CCDC7: variants seen among roughly 807,000 people sequenced by gnomAD.
CCDC7 encodes coiled-coil domain containing 7.
CCDC7 carries 183 observed loss-of-function variants against 196.9 expected under a neutral mutation model. That is an observed-to-expected ratio of 0.93 (90% CI 0.82 to 1.05). The LOEUF (loss-of-function observed/expected upper bound fraction) is 1.05, where lower values mean the gene tolerates loss of function less well. Among genes scored for constraint, CCDC7 ranks in the 50% least tolerant of loss-of-function variants. The probability of loss-of-function intolerance (pLI) is 0.00; values close to 1 mark genes in which losing one functional copy is unlikely to be tolerated. For synonymous variants in CCDC7, 525 were observed against 484.6 expected (o/e 1.08, Z -1.10); for missense variants, 1,540 against 1,482.2 (o/e 1.04, Z -0.64).
At chr10:32,864,875 C>T (rs1258272582) in intron 41 of CCDC7, among the ~76,000 whole-genome samples, 3 of 151,888 alleles carry the variant, frequency 2.0e-5, no homozygotes, top group Admixed American at 6.6e-5. Context: ...CTTGCAGTAA[C>T]GGCAGAGTAG....
At chr10:32,668,846 A>G (rs1320165646) in intron 21 of CCDC7, among the ~76,000 whole-genome samples, 1 of 152,050 alleles carries the variant, frequency 6.6e-6, no homozygotes, top group Non-Finnish European at 1.5e-5. Flanking sequence ...TATCTGACCA[A>G]GATAATTTTA....
chr10:32,844,979 A>G (rs2093195627), intron 33 of CCDC7, among the ~76,000 whole-genome samples: 1 of 151,810 alleles, frequency 6.6e-6, no homozygotes. Flanking sequence ...TGCTATTGGA[A>G]GAGGTATAAT....
intron 29 of CCDC7, among the ~76,000 whole-genome samples, chr10:32,784,612 G>A (rs1446585217): frequency 6.6e-6 from 1 of 151,930 alleles, no homozygotes; most frequent in Non-Finnish European, 1.5e-5. Context: ...TCGCTCTGTC[G>A]CCAGGCTGGA....
At chr10:32,764,522 G>T (rs541508246) in intron 28 of CCDC7, among the ~76,000 whole-genome samples, 1 of 151,988 alleles carries the variant, frequency 6.6e-6, no homozygotes, top group African/African-American at 2.4e-5. Context: ...CGGTCAGTTT[G>T]GTTGGCTGAA....
chr10:32,454,322 A>T (rs2033814329), intron 2 of CCDC7, among the ~76,000 whole-genome samples: 1 of 152,178 alleles, frequency 6.6e-6, no homozygotes, highest in Non-Finnish European at 1.5e-5. Flanking sequence ...ATCCTGCATG[A>T]CCTTGTGGTT....
At chr10:32,861,786 G>C (rs1358390058) in intron 41 of CCDC7, among the ~76,000 whole-genome samples, 1 of 150,552 alleles carries the variant, frequency 6.6e-6, no homozygotes, top group Non-Finnish European at 1.5e-5. Flanking sequence ...AAAATAAGAT[G>C]TTTATGCAGC....
At chr10:32,767,035 C>A (rs1048469544) in intron 28 of CCDC7, among the ~76,000 whole-genome samples, 51 of 152,018 alleles carry the variant, frequency 3.4e-4, no homozygotes, top group African/African-American at 1.2e-3. Context: ...CCAATTCTGC[C>A]AGGCTCTTTT....
intron 29 of CCDC7, 39 bp downstream of exon 30, chr10:32,779,123 T>C: frequency 1.4e-6 from 2 of 1,380,332 alleles, no homozygotes; most frequent in South Asian, 2.6e-5. Context: ...TAGAACACAA[T>C]CTAAGAATTA....
At chr10:32,792,756 C>T (rs1592799717) in intron 29 of CCDC7, among the ~76,000 whole-genome samples, 3 of 152,292 alleles carry the variant, frequency 2.0e-5, no homozygotes. Context: ...GCCGAGATCA[C>T]GCCATTGCAC....
chr10:32,500,992 G>A (rs1009979347), intron 9 of CCDC7, among the ~76,000 whole-genome samples: 8 of 152,200 alleles, frequency 5.3e-5, no homozygotes, highest in East Asian at 1.9e-4. Flanking sequence ...TCGAGATGGC[G>A]GCAGTACAGT....
chr10:32,523,732 T>A (rs576851748), intron 11 of CCDC7, among the ~76,000 whole-genome samples: 2 of 114,674 alleles, frequency 1.7e-5, no homozygotes, highest in East Asian at 2.8e-4. Context: ...TATAATGACC[T>A]TTTTTGTCTC....
chr10:32,750,094 A>C (rs997298686), intron 28 of CCDC7, among the ~76,000 whole-genome samples: 1 of 152,232 alleles, frequency 6.6e-6, no homozygotes, highest in Non-Finnish European at 1.5e-5. Context: ...TTACCATTTC[A>C]GTATGTAATT....
intron 3 of CCDC7, 45 bp from the exon 5 acceptor site, chr10:32,462,638 A>G (rs1271833658): frequency 1.5e-6 from 2 of 1,333,776 alleles, no homozygotes; most frequent in African/African-American, 3.0e-5. Context: ...ATACATTGTG[A>G]AGCATTCTAA....
intron 13 of CCDC7, among the ~76,000 whole-genome samples, chr10:32,547,609 T>C (rs1341711808): frequency 6.6e-6 from 1 of 152,156 alleles, no homozygotes; most frequent in Non-Finnish European, 1.5e-5. Flanking sequence ...TTTATTTTTA[T>C]TTCTGTGGGT....
At chr10:32,472,502 A>G (rs755875635) in exon 7 of CCDC7, 2 of 1,588,018 alleles carry the variant, frequency 1.3e-6, no homozygotes, top group Non-Finnish European at 1.7e-6. Context: ...ATCGACCAGA[A>G]GCAGTGAAAA....
chr10:32,833,434 G>A (rs1057078246), intron 32 of CCDC7, among the ~76,000 whole-genome samples: 10 of 151,388 alleles, frequency 6.6e-5, no homozygotes, highest in African/African-American at 1.9e-4. Context: ...AGGATGTTAC[G>A]AAGAAGGAAA....
chr10:32,626,547 G>C (rs2064076016), intron 18 of CCDC7, among the ~76,000 whole-genome samples: 1 of 151,806 alleles, frequency 6.6e-6, no homozygotes, highest in African/African-American at 2.4e-5. Context: ...CCTTTGCTGT[G>C]CAGAAACTTT....
chr10:32,651,942 A>G lies in CCDC7; in HGVS notation c.2015-12112A>G, dbSNP rs114154772. Among the ~76,000 whole-genome samples the G allele has an allele frequency of 8.1e-3, 1,231 of 152,328 alleles. 24 individuals are homozygous for G. Among genetic ancestry groups the G allele is most frequent in the African/African-American group, 0.027 (1,110 of 41,572 alleles). Reference sequence around the variant, plus strand: ...GTGGCAGTGCTTGTCCAAGATGGCAATGCTTCTGCTCTGTCAGAAAAATTT... The same window carrying G: ...GTGGCAGTGCTTGTCCAAGATGGCAGTGCTTCTGCTCTGTCAGAAAAATTT... On this transcript the variant is annotated intron_variant, in intron 20 of 41. Transcript: ENST00000639629.
intron 20 of CCDC7, among the ~76,000 whole-genome samples, chr10:32,652,851 TTAGAG>T (rs2069024433): frequency 6.6e-6 from 1 of 152,216 alleles, no homozygotes; most frequent in Non-Finnish European, 1.5e-5. Context: ...AGTTACAGTA[TTAGAG>T]TATTCTGAAT....
Sources: allele counts gnomAD v4.1 joint callset (sites outside exome capture counted in the v4.1 genomes callset), GRCh38; gene constraint gnomAD v4.1.1; transcripts MANE v1.5; gene names NCBI Gene and HGNC (gene_info 2026-07-23, HGNC 2026-07-21).